The following TDRD10 variants were observed in gnomAD, a reference collection of about 807,000 sequenced individuals.
The protein encoded by TDRD10 is tudor domain containing 10, also known as tudor domain-containing protein 10.
A neutral mutation model predicts 48.0 loss-of-function variants in TDRD10; 40 were observed. The observed-to-expected ratio is 0.83, with a 90% CI of 0.65 to 1.09. TDRD10 has a LOEUF of 1.09. Among genes scored for constraint, TDRD10 ranks in the 50% least tolerant of loss-of-function variants. The probability of loss-of-function intolerance (pLI) is 0.00; values close to 1 mark genes in which losing one functional copy is unlikely to be tolerated. For missense variants in TDRD10, 378 were observed against 434.7 expected, an observed-to-expected ratio of 0.87 and a Z score of 1.16; for synonymous variants, 162 against 170.4, an observed-to-expected ratio of 0.95 and a Z score of 0.38.
At chr1:154,520,242 C>T (rs1314804096) in intron 4 of TDRD10, 62 bp from the exon 5 acceptor site, 2 of 1,228,484 alleles carry the variant, frequency 1.6e-6, no homozygotes, top group African/African-American at 1.5e-5. Context: ...GGATCTGAAA[C>T]CTTGAGAAGT....
chr1:154,544,574 C>T (rs1695446333), intron 10 of TDRD10, 57 bp downstream of exon 10: 3 of 1,573,086 alleles, frequency 1.9e-6, no homozygotes, highest in Non-Finnish European at 2.6e-6. Flanking sequence ...AAAATGCTCC[C>T]TTCTTGCATT....
intron 4 of TDRD10, among the ~76,000 whole-genome samples, chr1:154,512,402 T>C (rs1165027327): frequency 6.6e-6 from 1 of 152,188 alleles, no homozygotes; most frequent in East Asian, 1.9e-4. Context: ...TGGAGTGCAA[T>C]GGCTCGATCT....
intron 6 of TDRD10, among the ~76,000 whole-genome samples, chr1:154,525,412 A>G (rs1214903679): frequency 6.6e-6 from 1 of 152,216 alleles, no homozygotes; most frequent in African/African-American, 2.4e-5. Context: ...AGAATTTATA[A>G]AGAAACTTAA....
intron 6 of TDRD10, among the ~76,000 whole-genome samples, chr1:154,530,107 C>T (rs1396703757): frequency 6.6e-5 from 10 of 152,190 alleles, no homozygotes; most frequent in South Asian, 2.1e-4. Flanking sequence ...CTCCGCCTCC[C>T]GGGTTCAAGT....
intron 4 of TDRD10, among the ~76,000 whole-genome samples, chr1:154,515,393 C>T (rs1256676743): frequency 6.6e-6 from 1 of 152,228 alleles, no homozygotes; most frequent in Non-Finnish European, 1.5e-5. Context: ...TGGCCCCCCT[C>T]CACTCAGAAG....
At chr1:154,523,787 A>G (rs1694173843) in intron 6 of TDRD10, among the ~76,000 whole-genome samples, 1 of 152,150 alleles carries the variant, frequency 6.6e-6, no homozygotes, top group South Asian at 2.1e-4. Context: ...TCACCCTCTG[A>G]GCCCCTGAAG....
intron 6 of TDRD10, 70 bp from the exon 7 acceptor site, chr1:154,541,954 T>G: frequency 6.7e-7 from 1 of 1,498,484 alleles, no homozygotes; most frequent in Non-Finnish European, 9.2e-7. Flanking sequence ...CTACCTGGAG[T>G]GATTCAACAT....
intron 6 of TDRD10, among the ~76,000 whole-genome samples, chr1:154,535,381 AAGAG>A (rs1281800109): frequency 3.7e-4 from 55 of 150,672 alleles, no homozygotes; most frequent in African/African-American, 7.8e-4. Context: ...AAAAAAAAAA[AAGAG>A]AGAGAGAATA....
At chr1:154,541,783 C>A (rs1695246393) in intron 6 of TDRD10, 2 of 460,986 alleles carry the variant, frequency 4.3e-6, no homozygotes, top group Non-Finnish European at 7.7e-6. Flanking sequence ...CAGATGAGTG[C>A]TCCCTGGCAG....
intron 6 of TDRD10, among the ~76,000 whole-genome samples, chr1:154,528,723 G>A (rs1042799739): frequency 6.6e-6 from 1 of 152,008 alleles, no homozygotes; most frequent in Non-Finnish European, 1.5e-5. Context: ...AGCTGAGGCA[G>A]GAGACTCACT....
At chr1:154,538,709 C>T (rs528558987) in intron 6 of TDRD10, among the ~76,000 whole-genome samples, 11 of 151,478 alleles carry the variant, frequency 7.3e-5, no homozygotes, top group South Asian at 2.1e-4. Flanking sequence ...AAAAATTAGC[C>T]GGGTATAGTG....
intron 5 of TDRD10, among the ~76,000 whole-genome samples, chr1:154,520,599 T>A (rs1353851240): frequency 6.6e-6 from 1 of 152,228 alleles, no homozygotes; most frequent in Non-Finnish European, 1.5e-5. Context: ...TCCAGAGACC[T>A]GGGTATATTT....
Position 154,502,554 on chromosome 1 carries a change from T to A in TDRD10, c.-503T>A, listed in dbSNP as rs1303157243. ...CAGAGGCGGGTCGGGCTGCGAGCTC[T>A]GGAGAAAGGGGCGGCGGCCGCACGT... On this transcript the variant is annotated 5_prime_UTR_variant, in exon 1 of 13. Coordinates refer to ENST00000368482, the MANE Select transcript of TDRD10 (RefSeq NM_182499.4). 2 of 151,990 alleles carry A rather than the reference T, an allele frequency of 1.3e-5. No individual in the cohort carries two copies. The highest frequency in any genetic ancestry group is 4.8e-5 in the African/African-American group (2 of 41,320). The allele number at this position is 151,990 out of a possible 1,614,324, so 9.4% of individuals were successfully genotyped here.
intron 4 of TDRD10, chr1:154,509,960 A>G: frequency 2.8e-6 from 2 of 717,798 alleles, no homozygotes; most frequent in African/African-American, 1.9e-5. Context: ...TTGCTTGGCC[A>G]TACTGTCCCA....
rs1421105252 is a variant in TDRD10 at position 154,544,520 on chromosome 1, G to A, written c.797+3G>A. On this transcript the variant is annotated splice_donor_region_variant and intron_variant, in intron 10 of 12. Transcript: ENST00000368482. Reference sequence around the variant, plus strand: ...GATTATGGACACGCCTGGAACAGGTGTGTGCCTGGGCAGGGGTAGAGTCTA... The same window carrying A: ...GATTATGGACACGCCTGGAACAGGTATGTGCCTGGGCAGGGGTAGAGTCTA... 6.2e-7 allele frequency: 1 copy of A among 1,613,474 alleles called. No homozygotes were observed. The highest frequency in any genetic ancestry group is 8.5e-7 in the Non-Finnish European group (1 of 1,179,748).
chr1:154,506,393 T>TG (rs1693156020), intron 1 of TDRD10, among the ~76,000 whole-genome samples: 1 of 151,636 alleles, frequency 6.6e-6, no homozygotes, highest in Non-Finnish European at 1.5e-5. Context: ...TTTTTTTTTT[T>TG]GAGATGTTGT....
At chr1:154,518,810 C>T (rs772464972) in intron 4 of TDRD10, among the ~76,000 whole-genome samples, 8 of 152,190 alleles carry the variant, frequency 5.3e-5, no homozygotes, top group African/African-American at 1.9e-4. Flanking sequence ...ATGTGCATGG[C>T]TGTGTTCCAA....
At chr1:154,528,815 CA>C (rs58764443) in intron 6 of TDRD10, among the ~76,000 whole-genome samples, 119,018 of 151,390 alleles carry the variant, frequency 0.79, 47,463 homozygotes, top group East Asian at 0.92. Flanking sequence ...GACTCTGTCT[CA>C]AAAAAAAAGT....
intron 4 of TDRD10, among the ~76,000 whole-genome samples, chr1:154,513,534 A>T (rs1417664141): frequency 6.6e-6 from 1 of 152,216 alleles, no homozygotes; most frequent in Non-Finnish European, 1.5e-5. Flanking sequence ...TAAAGTATTG[A>T]TGGGCAGTTT....
Sources: gnomAD v4.1 joint callset for allele counts (sites outside exome capture counted in the v4.1 genomes callset) on GRCh38, gnomAD v4.1.1 for gene constraint, MANE v1.5 for transcripts, NCBI Gene and HGNC (gene_info 2026-07-23, HGNC 2026-07-21) for gene names.